The following SAMMSON variants were observed in gnomAD, a reference collection of about 807,000 sequenced individuals.
The protein encoded by SAMMSON is long intergenic non-protein coding RNA 1212.
intron 6 of SAMMSON, among the ~76,000 whole-genome samples, chr3:70,269,234 G>A (rs574490146): frequency 6.6e-6 from 1 of 152,030 alleles, no homozygotes; most frequent in Non-Finnish European, 1.5e-5. Flanking sequence ...TCAATTATAG[G>A]CTAGGTCATA....
At chr3:70,197,413 C>T (rs1370802784) in intron 4 of SAMMSON, among the ~76,000 whole-genome samples, 5 of 152,154 alleles carry the variant, frequency 3.3e-5, no homozygotes, top group African/African-American at 1.2e-4. Context: ...ATTGATTCGA[C>T]ATAATCTGGT....
In SAMMSON at chr3:70,236,673, G is replaced by A. The variant is rs572659045; in HGVS notation, n.508-12434G>A. Among the ~76,000 whole-genome samples the A allele has an allele frequency of 5.3e-5, 8 of 152,176 alleles. No individual in the cohort carries two copies. In the South Asian group the frequency reaches 1.7e-3, roughly 32 times the overall value. The stretch of plus-strand genomic sequence containing the variant: ...TGCAGCGGCACAATCATGGCTCGCT[G>A]CAGTCTCAACCTCCCAGGTCCAAGC... On this transcript the variant is annotated intron_variant and non_coding_transcript_variant, in intron 4 of 9. Transcript: ENST00000642114.
intron 1 of SAMMSON, chr3:70,009,233 C>A (rs2066943286): frequency 1.3e-5 from 2 of 152,164 alleles, no homozygotes; most frequent in South Asian, 2.1e-4. Flanking sequence ...CCTCCTTGTA[C>A]CTCTGGTAGA....
intron 2 of SAMMSON, among the ~76,000 whole-genome samples, chr3:70,419,634 C>G (rs1479061528): frequency 6.6e-6 from 1 of 151,968 alleles, no homozygotes; most frequent in African/African-American, 2.4e-5. Context: ...ATTATGCTAT[C>G]TGAAAATGGT....
chr3:70,388,016 C>G (rs1700993788), intron 9 of SAMMSON, among the ~76,000 whole-genome samples: 1 of 152,056 alleles, frequency 6.6e-6, no homozygotes, highest in South Asian at 2.1e-4. Flanking sequence ...TCTCTCACCC[C>G]CTGCACTGCT....
intron 4 of SAMMSON, among the ~76,000 whole-genome samples, chr3:70,139,643 T>C (rs995044063): frequency 6.6e-6 from 1 of 152,096 alleles, no homozygotes; most frequent in Admixed American, 6.5e-5. Context: ...GTTATGGAGT[T>C]TGGGGTAAGG....
chr3:70,066,325 C>CA (rs2067210431), intron 3 of SAMMSON, among the ~76,000 whole-genome samples: 1 of 152,020 alleles, frequency 6.6e-6, no homozygotes, highest in African/African-American at 2.4e-5. Flanking sequence ...AATGTTTCTT[C>CA]AAAAATGCAT....
At chr3:70,225,426 T>C (rs1701494550) in intron 4 of SAMMSON, among the ~76,000 whole-genome samples, 1 of 149,338 alleles carries the variant, frequency 6.7e-6, no homozygotes. Context: ...CACATTGATC[T>C]TTTTTTATAG....
chr3:70,358,643 T>C (rs1486412431), intron 9 of SAMMSON, among the ~76,000 whole-genome samples: 1 of 152,162 alleles, frequency 6.6e-6, no homozygotes, highest in Non-Finnish European at 1.5e-5. Context: ...GCTCCACCTG[T>C]CATCTCCTAA....
At chr3:70,291,751 GAT>G (rs1393202062) in intron 7 of SAMMSON, 1 of 152,146 alleles carries the variant, frequency 6.6e-6, no homozygotes, top group Non-Finnish European at 1.5e-5. Flanking sequence ...AGTTCAAGAT[GAT>G]ATGTCTTTTC....
At chr3:70,278,130 ACTT>A (rs1405333442) in intron 6 of SAMMSON, among the ~76,000 whole-genome samples, 3 of 152,074 alleles carry the variant, frequency 2.0e-5, no homozygotes, top group Non-Finnish European at 4.4e-5. Context: ...TTTGCCCCCA[ACTT>A]CTTCTATTAC....
intron 4 of SAMMSON, among the ~76,000 whole-genome samples, chr3:70,163,356 G>T (rs6775475): frequency 0.78 from 106,604 of 136,844 alleles, 39,913 homozygotes; most frequent in Non-Finnish European, 0.81. Context: ...TATATATATA[G>T]AGAGAGAGAG....
chr3:70,049,661 CCATCATCATCAT>C (rs1024693451), intron 3 of SAMMSON, among the ~76,000 whole-genome samples: 1 of 151,972 alleles, frequency 6.6e-6, no homozygotes, highest in East Asian at 1.9e-4. Flanking sequence ...ATCATCATCA[CCATCATCATCAT>C]CATTATCATT....
chr3:70,349,700 C>A (rs1287931598), intron 7 of SAMMSON, among the ~76,000 whole-genome samples: 1 of 152,056 alleles, frequency 6.6e-6, no homozygotes, highest in Non-Finnish European at 1.5e-5. Flanking sequence ...TACAAGGAAA[C>A]AGTATGAGCA....
intron 3 of SAMMSON, among the ~76,000 whole-genome samples, chr3:70,031,693 C>T (rs2067066661): frequency 6.6e-6 from 1 of 152,046 alleles, no homozygotes; most frequent in South Asian, 2.1e-4. Context: ...AAAAAAAAAT[C>T]CTTATTTTAG....
intron 4 of SAMMSON, among the ~76,000 whole-genome samples, chr3:70,202,162 A>G (rs866118663): frequency 6.6e-6 from 1 of 152,034 alleles, no homozygotes; most frequent in Non-Finnish European, 1.5e-5. Context: ...CTAGTGGTCT[A>G]TCTGGTAATG....
rs967484377 is a variant in SAMMSON at position 70,265,069 on chromosome 3, C to T, written n.674+15399C>T. Among the ~76,000 whole-genome samples, 10 of 152,236 alleles carry T rather than the reference C, an allele frequency of 6.6e-5. No individual in the cohort carries two copies. In the East Asian group the frequency reaches 9.7e-4, roughly 15 times the overall value. On this transcript the variant is annotated intron_variant and non_coding_transcript_variant, in intron 6 of 9. Coordinates refer to ENST00000642114, the Ensembl canonical transcript of SAMMSON. The stretch of plus-strand genomic sequence containing the variant: ...GACTTATTCACTATCACAAGAACAG[C>T]GCAGGAAAGACCTGCCCCCATGATT...
chr3:70,292,454 C>G (rs1401444060), intron 7 of SAMMSON, among the ~76,000 whole-genome samples: 4 of 151,960 alleles, frequency 2.6e-5, no homozygotes, highest in Non-Finnish European at 5.9e-5. Context: ...ACTAGTAATA[C>G]TAGCAAAGGT....
intron 2 of SAMMSON, among the ~76,000 whole-genome samples, chr3:70,395,331 C>CTTTTTTTTTTTTTTT (rs71126501): frequency 7.0e-5 from 8 of 113,620 alleles, no homozygotes; most frequent in Admixed American, 9.6e-5. Flanking sequence ...CTCTCTCTCT[C>CTTTTTTTTTTTTTTT]TTTTTTTTTT....
Sources: allele counts gnomAD v4.1 joint callset (sites outside exome capture counted in the v4.1 genomes callset), GRCh38; gene constraint gnomAD v4.1.1; transcripts MANE v1.5; gene names NCBI Gene and HGNC (gene_info 2026-07-23, HGNC 2026-07-21).